NBEAL1: variants seen among roughly 807,000 people sequenced by gnomAD.
NBEAL1 encodes the protein neurobeachin-like protein 1.
Under a neutral mutation model 351.3 loss-of-function variants are expected in NBEAL1, and 273 were observed. The ratio of observed to expected loss-of-function variants is 0.78; its 90% confidence interval spans 0.70 to 0.86. The LOEUF is 0.86. NBEAL1 is among the 40% of genes least tolerant of loss of function. The probability of loss-of-function intolerance (pLI) is 0.00; values close to 1 mark genes in which losing one functional copy is unlikely to be tolerated. For missense variants in NBEAL1, 2,961 were observed against 3,201.3 expected, an observed-to-expected ratio of 0.92 and a Z score of 1.81; for synonymous variants, 1,050 against 1,086.4, an observed-to-expected ratio of 0.97 and a Z score of 0.66.
chr2:203,184,432 AAAAT>A (rs1367341942), intron 44 of NBEAL1, among the ~76,000 whole-genome samples: 1 of 152,146 alleles, frequency 6.6e-6, no homozygotes, highest in Non-Finnish European at 1.5e-5. Context: ...AGCCATCTCA[AAAAT>A]AAATAAATAA....
At chr2:203,104,546 T>G (rs1013992166) in intron 12 of NBEAL1, among the ~76,000 whole-genome samples, 4 of 152,210 alleles carry the variant, frequency 2.6e-5, no homozygotes, top group Non-Finnish European at 4.4e-5. Context: ...ACATTCAAGG[T>G]TAGTACTAAT....
At chr2:203,073,141 T>TGATC (rs2061709583) in intron 7 of NBEAL1, among the ~76,000 whole-genome samples, 1 of 152,190 alleles carries the variant, frequency 6.6e-6, no homozygotes, top group South Asian at 2.1e-4. Flanking sequence ...TGGGTTCAAG[T>TGATC]GATCTTACCA....
chr2:203,099,771 G>A (rs1406715174), intron 12 of NBEAL1, 59 bp downstream of exon 12: 4 of 1,156,784 alleles, frequency 3.5e-6, no homozygotes, highest in Non-Finnish European at 4.9e-6. Context: ...AGGTTCAGGG[G>A]TACATGTGCA....
Position 203,080,281 on chromosome 2 carries a change from G to A in NBEAL1, c.684+2444G>A, listed in dbSNP as rs543104516. ...AAAAAAATTAGCCGGGCATGGTGGTGGGCGCCTGTAATCCCTGCTACTCTG... is the reference window on the plus strand; with the variant it reads ...AAAAAAATTAGCCGGGCATGGTGGTAGGCGCCTGTAATCCCTGCTACTCTG... On this transcript the variant is annotated intron_variant, in intron 8 of 55. Transcript: ENST00000683969. Among the ~76,000 whole-genome samples, 6 of 152,118 alleles carry A rather than the reference G, an allele frequency of 3.9e-5. No individual in the cohort carries two copies. The South Asian group carries it at 1.0e-3, about 26-fold the overall frequency.
At chr2:203,195,250 CTG>C (rs1256954246) in intron 47 of NBEAL1, among the ~76,000 whole-genome samples, 2 of 151,784 alleles carry the variant, frequency 1.3e-5, no homozygotes, top group Non-Finnish European at 2.9e-5. Context: ...GTAAGCATCA[CTG>C]TATTTTTTAA....
At chr2:203,063,961 A>G (rs1285733025) in intron 6 of NBEAL1, among the ~76,000 whole-genome samples, 3 of 152,164 alleles carry the variant, frequency 2.0e-5, no homozygotes, top group Non-Finnish European at 4.4e-5. Context: ...TTTTGCACAC[A>G]TCATTGTAAG....
chr2:203,127,953 T>A lies in NBEAL1; in HGVS notation c.3405+16T>A, dbSNP rs1294074248. 6.5e-7 allele frequency: 1 copy of A among 1,535,504 alleles called. No homozygotes were observed. The highest frequency in any genetic ancestry group is 2.0e-5 in the Admixed American group (1 of 49,004). ...AGAAGAACAGGTATTATGCCTAAGA[T>A]ACATCTACTTTTCCTTTTTAACATT... On this transcript the variant is annotated intron_variant, in intron 24 of 55. Transcript: ENST00000683969.
At chr2:203,126,773 C>T in intron 22 of NBEAL1, 51 bp from the exon 23 acceptor site, 1 of 1,532,784 alleles carries the variant, frequency 6.5e-7, no homozygotes, top group Non-Finnish European at 8.8e-7. Flanking sequence ...TTATAACTAC[C>T]TATTGACTTT....
intron 46 of NBEAL1, chr2:203,191,062 C>T: frequency 1.3e-6 from 2 of 1,582,130 alleles, no homozygotes; most frequent in South Asian, 2.2e-5. Flanking sequence ...CAGAAAGAAA[C>T]AGAAAAACAT....
chr2:203,041,149 C>T (rs2061134617), intron 2 of NBEAL1, among the ~76,000 whole-genome samples: 1 of 152,138 alleles, frequency 6.6e-6, no homozygotes, highest in Non-Finnish European at 1.5e-5. Flanking sequence ...TGGAAGGAGT[C>T]CTGCTTTGTT....
chr2:203,188,615 T>C, intron 45 of NBEAL1, 26 bp downstream of exon 45: 1 of 1,298,554 alleles, frequency 7.7e-7, no homozygotes, highest in Non-Finnish European at 1.1e-6. Context: ...CTTTTTCTCT[T>C]GCTTTACCTT....
chr2:203,158,144 A>C (rs1649193032), intron 36 of NBEAL1, among the ~76,000 whole-genome samples: 1 of 152,206 alleles, frequency 6.6e-6, no homozygotes, highest in Admixed American at 6.5e-5. Context: ...GTTAAGCAAA[A>C]GAAATAGCAT....
At position 203,105,398 on chromosome 2, in the gene NBEAL1, G is replaced by A. The variant is rs970883427; in HGVS notation, c.1270-2022G>A. ...GGAGAATGGTGTGAAACCTGGAGGT[G>A]GAGCTTGCAGGAGCTGAGATCGCGC... On this transcript the variant is annotated intron_variant, in intron 12 of 55. Transcript: ENST00000683969. 2.0e-5 allele frequency among the ~76,000 whole-genome samples: 3 copies of A among 151,950 alleles called. No homozygotes were observed. The East Asian group carries it at 5.9e-4, about 30-fold the overall frequency.
At chr2:203,032,838 T>C (rs555126662) in intron 2 of NBEAL1, among the ~76,000 whole-genome samples, 2 of 143,392 alleles carry the variant, frequency 1.4e-5, no homozygotes, top group South Asian at 4.5e-4. Context: ...CTAGTTTTTG[T>C]ATTTTTGGTA....
chr2:203,072,743 G>T (rs944287400), intron 7 of NBEAL1, among the ~76,000 whole-genome samples: 3 of 152,046 alleles, frequency 2.0e-5, no homozygotes, highest in East Asian at 1.9e-4. Context: ...CACCAGAATT[G>T]CCCTGAAGGT....
intron 39 of NBEAL1, among the ~76,000 whole-genome samples, chr2:203,171,236 C>A (rs1644315007): frequency 1.3e-5 from 2 of 150,904 alleles, no homozygotes; most frequent in Admixed American, 1.3e-4. Context: ...CCAGCCTGGG[C>A]AACAAGAGTG....
intron 48 of NBEAL1, among the ~76,000 whole-genome samples, chr2:203,198,005 AT>A (rs916572437): frequency 9.9e-5 from 14 of 141,458 alleles, no homozygotes; most frequent in East Asian, 4.3e-4. Flanking sequence ...TTATATATAT[AT>A]TTTTTTTTCT....
Position 203,136,360 on chromosome 2 carries a change from T to C in NBEAL1, c.4389+108T>C, listed in dbSNP as rs540827863. On this transcript the variant is annotated intron_variant, in intron 28 of 55. Coordinates refer to ENST00000683969, the MANE Select transcript of NBEAL1 (RefSeq NM_001378026.1). ...TGTTAACAATTTCATATTGTATTCA[T>C]GTTCTAAGTTTCATGATCTAAGGTT... 3.2e-5 allele frequency: 29 copies of C among 913,568 alleles called. No individual in the cohort carries two copies. In the African/African-American group the frequency reaches 4.4e-4, roughly 14 times the overall value. The allele number at this position is 913,568 out of a possible 1,614,324, so 56.6% of individuals were successfully genotyped here.
At chr2:203,211,665 T>C (rs1015342853) in intron 54 of NBEAL1, among the ~76,000 whole-genome samples, 1 of 152,096 alleles carries the variant, frequency 6.6e-6, no homozygotes. Flanking sequence ...TTTAAATATG[T>C]AGAGCTAGAA....
Sources: allele counts gnomAD v4.1 joint callset (sites outside exome capture counted in the v4.1 genomes callset), GRCh38; gene constraint gnomAD v4.1.1; transcripts MANE v1.5; gene names NCBI Gene and HGNC (gene_info 2026-07-23, HGNC 2026-07-21).